TNR: variants seen among roughly 807,000 people sequenced by gnomAD.
TNR encodes tenascin R, also known as tenascin-R.
TNR carries 45 observed loss-of-function variants against 150.4 expected under a neutral mutation model. That is an observed-to-expected ratio of 0.30 (90% CI 0.24 to 0.38). The LOEUF (loss-of-function observed/expected upper bound fraction) is 0.38. Ranked by LOEUF, TNR falls within the 10% of genes least tolerant of loss-of-function variation. The pLI is 1.00. For missense variants in TNR, 1,544 were observed against 1,759.1 expected, an observed-to-expected ratio of 0.88 and a Z score of 2.19; for synonymous variants, 687 against 678.4, an observed-to-expected ratio of 1.01 and a Z score of -0.20.
At chr1:175,696,570 A>G (rs1666532603) in intron 1 of TNR, among the ~76,000 whole-genome samples, 1 of 152,236 alleles carries the variant, frequency 6.6e-6, no homozygotes, top group Non-Finnish European at 1.5e-5. Flanking sequence ...CTCAGTACCC[A>G]TCTGAGAGAG....
At chr1:175,621,219 C>T (rs188565707) in intron 1 of TNR, among the ~76,000 whole-genome samples, 1 of 152,300 alleles carries the variant, frequency 6.6e-6, no homozygotes, top group East Asian at 1.9e-4. Context: ...AGGACCCCTG[C>T]TCATCTCACT....
In TNR at chr1:175,386,047, T is replaced by C. The variant is rs766351604; in HGVS notation, c.1762A>G (p.Thr588Ala). Residue 588 changes from threonine to alanine, a missense_variant, in exon 8 of 23, where the codon ACT becomes GCT. By Grantham distance (58) the Thr-to-Ala change is moderately conservative. This residue lies in a region of TNR where 1,254 missense variants were observed against 1,329.4 expected (regional missense o/e 0.94). Transcript: ENST00000367674. ...GCAGCCTTACCTGTTGTGAACTGAG[T>C]GGTGGCAGAATCGCTCTCGTTGGTC... is the stretch of plus-strand genomic sequence containing the variant. ...RGTNESDSAT[T>A]QFTTEIDAPK... The C allele has an allele frequency of 2.5e-6, 4 of 1,596,376 alleles. No individual in the cohort carries two copies. The South Asian group carries it at 3.3e-5, about 13-fold the overall frequency.
chr1:175,637,246 TATG>T (rs1664513897), intron 1 of TNR, among the ~76,000 whole-genome samples: 2 of 152,238 alleles, frequency 1.3e-5, no homozygotes, highest in African/African-American at 4.8e-5. Context: ...CATGCTAGAA[TATG>T]ATAACAGAGC....
At chr1:175,655,124 T>C (rs1051794518) in intron 1 of TNR, among the ~76,000 whole-genome samples, 3 of 152,114 alleles carry the variant, frequency 2.0e-5, no homozygotes, top group African/African-American at 7.2e-5. Flanking sequence ...TGCACTGGAA[T>C]TGTGTTGCTA....
At chr1:175,518,182 C>T (rs80239403) in intron 2 of TNR, among the ~76,000 whole-genome samples, 2,103 of 152,290 alleles carry the variant, frequency 0.014, 52 homozygotes, top group African/African-American at 0.047. Context: ...TGTGTATTGT[C>T]ATGACTTAAG....
chr1:175,601,814 AC>A (rs1439606173), intron 1 of TNR, among the ~76,000 whole-genome samples: 2 of 152,174 alleles, frequency 1.3e-5, no homozygotes, highest in African/African-American at 4.8e-5. Context: ...CTCTATTCCT[AC>A]CTAATAGAAT....
chr1:175,358,420 G>A (rs140093941), intron 15 of TNR, among the ~76,000 whole-genome samples: 43 of 152,314 alleles, frequency 2.8e-4, no homozygotes, highest in Middle Eastern at 3.4e-3. Context: ...CTTATTCTTG[G>A]TGAATCTGTG....
chr1:175,629,251 C>A (rs16848874), intron 1 of TNR, among the ~76,000 whole-genome samples: 9,833 of 152,200 alleles, frequency 0.065, 584 homozygotes, highest in East Asian at 0.33. Context: ...GGACCCCAGG[C>A]TACGATGTTT....
intron 18 of TNR, among the ~76,000 whole-genome samples, chr1:175,344,385 GT>G (rs942823739): frequency 1.3e-5 from 2 of 152,148 alleles, no homozygotes; most frequent in South Asian, 4.1e-4. Context: ...TGGCCTTAGG[GT>G]TCCTGCCTTC....
intron 1 of TNR, among the ~76,000 whole-genome samples, chr1:175,715,438 T>C (rs1255964626): frequency 6.6e-6 from 1 of 152,174 alleles, no homozygotes; most frequent in Non-Finnish European, 1.5e-5. Flanking sequence ...TTGTCCACAC[T>C]AGATTCTTCC....
At chr1:175,561,181 C>T (rs1260573987) in intron 1 of TNR, among the ~76,000 whole-genome samples, 2 of 152,040 alleles carry the variant, frequency 1.3e-5, no homozygotes, top group African/African-American at 2.4e-5. Flanking sequence ...TGTATTTGTC[C>T]TTGGTTATGT....
intron 1 of TNR, among the ~76,000 whole-genome samples, chr1:175,653,580 G>A (rs187064582): frequency 6.6e-6 from 1 of 152,286 alleles, no homozygotes; most frequent in East Asian, 1.9e-4. Flanking sequence ...GAGGGGTCTG[G>A]TAGTAACAAA....
intron 2 of TNR, among the ~76,000 whole-genome samples, chr1:175,468,344 T>G (rs1050298857): frequency 6.6e-6 from 1 of 152,234 alleles, no homozygotes; most frequent in African/African-American, 2.4e-5. Flanking sequence ...GGAGTGCCTG[T>G]GCAACTTAAT....
At chr1:175,527,904 T>C (rs1211238283) in intron 2 of TNR, among the ~76,000 whole-genome samples, 1 of 152,226 alleles carries the variant, frequency 6.6e-6, no homozygotes, top group Non-Finnish European at 1.5e-5. Context: ...AGAGCGAGAC[T>C]GGTGAATAAT....
chr1:175,359,139 C>CTTTTTTTTTTTTTTAT (rs1651469611), intron 15 of TNR, among the ~76,000 whole-genome samples: 1 of 42,138 alleles, frequency 2.4e-5, no homozygotes, highest in African/African-American at 8.4e-5. Context: ...GGGATATCTT[C>CTTTTTTTTTTTTTTAT]TTTTTTTTTT....
intron 1 of TNR, among the ~76,000 whole-genome samples, chr1:175,535,793 T>G (rs1660258730): frequency 6.6e-6 from 1 of 152,238 alleles, no homozygotes; most frequent in South Asian, 2.1e-4. Context: ...TCAAGCTTTA[T>G]GGCAGTGGTT....
At chr1:175,667,350 A>G (rs1275211238) in intron 1 of TNR, among the ~76,000 whole-genome samples, 3 of 152,248 alleles carry the variant, frequency 2.0e-5, no homozygotes, top group East Asian at 3.8e-4. Flanking sequence ...TTTAAACCCC[A>G]GCCCACACCT....
At chr1:175,423,606 T>C (rs1054870494) in intron 2 of TNR, among the ~76,000 whole-genome samples, 1 of 152,164 alleles carries the variant, frequency 6.6e-6, no homozygotes, top group Non-Finnish European at 1.5e-5. Context: ...TCCTGTGTTG[T>C]GTGGTCCCTG....
chr1:175,454,976 A>C (rs1656501439), intron 2 of TNR, among the ~76,000 whole-genome samples: 1 of 152,138 alleles, frequency 6.6e-6, no homozygotes, highest in African/African-American at 2.4e-5. Context: ...TAGAGGATGG[A>C]GGAAGTGATG....
Sources: allele counts gnomAD v4.1 joint callset (sites outside exome capture counted in the v4.1 genomes callset), GRCh38; gene constraint gnomAD v4.1.1; regional missense constraint gnomAD v4.1.1; transcripts MANE v1.5; gene names NCBI Gene and HGNC (gene_info 2026-07-23, HGNC 2026-07-21).